The following FSTL4 variants were observed in gnomAD, a reference collection of about 807,000 sequenced individuals.
FSTL4 encodes follistatin like 4.
A neutral mutation model predicts 78.2 loss-of-function variants in FSTL4; 28 were observed. The observed-to-expected ratio is 0.36, with a 90% CI of 0.27 to 0.49. The LOEUF is 0.49. Ranked by LOEUF, FSTL4 falls within the 20% of genes least tolerant of loss-of-function variation. FSTL4 has a pLI of 0.98. For synonymous variants in FSTL4, 422 were observed against 440.5 expected (o/e 0.96, Z 0.53); for missense variants, 922 against 1,084.9 (o/e 0.85, Z 2.11).
At chr5:133,562,858 G>C (rs1021890906) in intron 3 of FSTL4, among the ~76,000 whole-genome samples, 1 of 152,168 alleles carries the variant, frequency 6.6e-6, no homozygotes, top group Admixed American at 6.5e-5. Context: ...AATTCAACAT[G>C]ATGGGAACAG....
chr5:133,298,405 G>A (rs1753457694), intron 6 of FSTL4, among the ~76,000 whole-genome samples: 2 of 152,234 alleles, frequency 1.3e-5, no homozygotes, highest in Non-Finnish European at 2.9e-5. Flanking sequence ...CTTCCCCACT[G>A]TGGGCCCTGG....
At chr5:133,633,597 C>T in the FSTL4 span, among the ~76,000 whole-genome samples, 1 of 152,148 alleles carries the variant, frequency 6.6e-6, no homozygotes, top group African/African-American at 2.4e-5. Flanking sequence ...ATTCCAACAT[C>T]TCTGCCATTT....
chr5:133,556,934 T>C (rs1400208493), intron 3 of FSTL4, among the ~76,000 whole-genome samples: 15 of 152,212 alleles, frequency 9.9e-5, no homozygotes, highest in Admixed American at 9.2e-4. Flanking sequence ...ATTTCATCAT[T>C]TGATGTTCAT....
chr5:133,406,469 C>T (rs550199447), intron 3 of FSTL4, among the ~76,000 whole-genome samples: 6 of 152,192 alleles, frequency 3.9e-5, no homozygotes, highest in Admixed American at 2.0e-4. Context: ...AGAAAACTCT[C>T]GGCACCCCTC....
intron 2 of FSTL4, among the ~76,000 whole-genome samples, chr5:133,589,867 T>C (rs1247703743): frequency 2.0e-5 from 3 of 152,176 alleles, no homozygotes; most frequent in Admixed American, 2.0e-4. Context: ...GCTCCACCAC[T>C]TACTATATGG....
intron 6 of FSTL4, among the ~76,000 whole-genome samples, chr5:133,306,208 T>G (rs1402717357): frequency 1.3e-5 from 2 of 152,148 alleles, no homozygotes; most frequent in Admixed American, 6.6e-5. Context: ...TTGGGCCGGG[T>G]GGGGCTGCTG....
chr5:133,600,712 C>T (rs967622518), intron 2 of FSTL4, among the ~76,000 whole-genome samples: 6 of 152,106 alleles, frequency 3.9e-5, no homozygotes, highest in Non-Finnish European at 8.8e-5. Flanking sequence ...TTCTTATTTA[C>T]CCTTAGGTCA....
At chr5:133,411,034 T>TA (rs1756467869) in intron 3 of FSTL4, among the ~76,000 whole-genome samples, 1 of 152,186 alleles carries the variant, frequency 6.6e-6, no homozygotes, top group African/African-American at 2.4e-5. Flanking sequence ...TGGTCTGCTC[T>TA]ACCCCTGAGT....
intron 3 of FSTL4, among the ~76,000 whole-genome samples, chr5:133,486,403 C>T (rs1348110128): frequency 4.0e-5 from 6 of 149,362 alleles, no homozygotes; most frequent in Admixed American, 1.3e-4. Context: ...GAAAGAGAGA[C>T]GGCAGAGGAG....
intron 3 of FSTL4, among the ~76,000 whole-genome samples, chr5:133,456,190 C>T (rs27435): frequency 0.36 from 54,331 of 152,096 alleles, 9,990 homozygotes; most frequent in South Asian, 0.43. Context: ...CCTTCTGTAT[C>T]TCTGATTTCT....
the FSTL4 span, among the ~76,000 whole-genome samples, chr5:133,632,678 TG>T: frequency 1.1e-4 from 16 of 150,226 alleles, no homozygotes; most frequent in African/African-American, 3.8e-4. Context: ...GTTTTTTGTT[TG>T]TTTTTTTTGT....
the FSTL4 span, among the ~76,000 whole-genome samples, chr5:133,732,541 C>T: frequency 5.3e-5 from 8 of 152,124 alleles, no homozygotes; most frequent in East Asian, 5.8e-4. Flanking sequence ...CAGCAGGTTT[C>T]GTCTCCCCAC....
chr5:133,561,990 T>C (rs1003291027), intron 3 of FSTL4, among the ~76,000 whole-genome samples: 4 of 152,086 alleles, frequency 2.6e-5, no homozygotes, highest in Non-Finnish European at 4.4e-5. Context: ...AGACAGGAGA[T>C]AGATGTCACT....
intron 6 of FSTL4, among the ~76,000 whole-genome samples, chr5:133,292,706 G>T (rs908932196): frequency 1.4e-5 from 2 of 147,882 alleles, no homozygotes; most frequent in Non-Finnish European, 3.0e-5. Context: ...CACAAGTTAT[G>T]ATTTATATTT....
Position 133,224,176 on chromosome 5 carries a change from A to G in FSTL4, c.1339+14T>C. The G allele has an allele frequency of 5.0e-6, 8 of 1,609,804 alleles. No homozygotes were observed. The highest frequency in any genetic ancestry group is 6.8e-6 in the Non-Finnish European group (8 of 1,176,324). ...GTGATCACAGGCATGACGCAAAACA[A>G]TGAAGCTTGGTACCTTCCTCTCGCC... On this transcript the variant is annotated intron_variant, in intron 11 of 15. Coordinates refer to ENST00000265342, the MANE Select transcript of FSTL4 (RefSeq NM_015082.2).
At chr5:133,538,913 GTC>G (rs1160018838) in intron 3 of FSTL4, among the ~76,000 whole-genome samples, 8 of 152,216 alleles carry the variant, frequency 5.3e-5, no homozygotes, top group African/African-American at 1.9e-4. Flanking sequence ...CTTGTTGAGC[GTC>G]TCTCTTTCTC....
At chr5:133,750,401 A>G in the FSTL4 span, among the ~76,000 whole-genome samples, 2 of 152,098 alleles carry the variant, frequency 1.3e-5, no homozygotes, top group Non-Finnish European at 2.9e-5. Flanking sequence ...GCCTCTGAGG[A>G]CATCTGCCAT....
In FSTL4 at chr5:133,604,002, G is replaced by T; in HGVS notation, c.-10-9C>A. ...GTTTCATTTTGATGAGTCTGTTGAAGAAATGACAAATGCTGAGAATAAAAC... is the reference window on the plus strand; with the variant it reads ...GTTTCATTTTGATGAGTCTGTTGAATAAATGACAAATGCTGAGAATAAAAC... On this transcript the variant is annotated splice_polypyrimidine_tract_variant and intron_variant, in intron 1 of 15. Coordinates refer to ENST00000265342, the MANE Select transcript of FSTL4 (RefSeq NM_015082.2). 1 of 1,595,942 alleles carries T rather than the reference G, an allele frequency of 6.3e-7. No individual in the cohort carries two copies. The highest frequency in any genetic ancestry group is 2.2e-5 in the East Asian group (1 of 44,758).
At chr5:133,832,790 A>G in the FSTL4 span, among the ~76,000 whole-genome samples, 2 of 152,226 alleles carry the variant, frequency 1.3e-5, no homozygotes, top group Non-Finnish European at 2.9e-5. Flanking sequence ...CCAGACATAC[A>G]TTAAGGCTTT....
Sources: allele counts gnomAD v4.1 joint callset (sites outside exome capture counted in the v4.1 genomes callset), GRCh38; gene constraint gnomAD v4.1.1; transcripts MANE v1.5; gene names NCBI Gene and HGNC (gene_info 2026-07-23, HGNC 2026-07-21).